The following COPA variants were observed in gnomAD, a reference collection of about 807,000 sequenced individuals.
COPA encodes coatomer subunit alpha.
In COPA, 10 loss-of-function variants were observed where a neutral mutation model predicts 158.7. The ratio of observed to expected loss-of-function variants is 0.06; its 90% CI spans 0.04 to 0.11. The LOEUF is 0.11. COPA is among the 10% of genes least tolerant of loss of function. The pLI, the probability that COPA is intolerant of heterozygous loss-of-function variation, is 1.00. For synonymous variants in COPA, 462 were observed against 542.8 expected, an observed-to-expected ratio of 0.85 and a Z score of 2.07; for missense variants, 1,065 against 1,536.7, an observed-to-expected ratio of 0.69 and a Z score of 5.13.
At chr1:160,297,823 A>G in intron 19 of COPA, 78 bp from the exon 20 acceptor site, 3 of 1,409,782 alleles carry the variant, frequency 2.1e-6, no homozygotes, top group South Asian at 2.6e-5. Context: ...AAGCATCTGC[A>G]TCTATATAGA....
Position 160,289,003 on chromosome 1 carries a change from C to A in COPA, c.*1154G>T, listed in dbSNP as rs899589122. 1.3e-5 allele frequency among the ~76,000 whole-genome samples: 2 copies of A among 152,062 alleles called. No individual in the cohort carries two copies. Among genetic ancestry groups the A allele is most frequent in the Non-Finnish European group, 2.9e-5 (2 of 68,026 alleles). On this transcript the variant is annotated 3_prime_UTR_variant, in exon 33 of 33. Coordinates refer to ENST00000241704, the MANE Select transcript of COPA (RefSeq NM_004371.4). The stretch of plus-strand genomic sequence containing the variant: ...TCTTTTTTTTTGAGATGGAGTCTCA[C>A]TCTGTCGCCCAGGCTGGAGTGCGGT...
intron 19 of COPA, among the ~76,000 whole-genome samples, chr1:160,298,255 T>C (rs1333978318): frequency 6.6e-6 from 1 of 152,024 alleles, no homozygotes; most frequent in African/African-American, 2.4e-5. Flanking sequence ...TGGAAATAAT[T>C]ACATCGCATT....
At chr1:160,342,277 C>G (rs1648106698) in intron 1 of COPA, among the ~76,000 whole-genome samples, 1 of 152,164 alleles carries the variant, frequency 6.6e-6, no homozygotes, top group Non-Finnish European at 1.5e-5. Flanking sequence ...AGACCAAGTT[C>G]CTAACCACTT....
In COPA at chr1:160,290,413, G is replaced by GA. The variant is rs1658186640; in HGVS notation, c.3615+78dup. ...AGGGAGCAGGGGACAAGCACAAGAA[G>GA]AAAAAAAGGACCACCATGTTTCTTT... On this transcript the variant is annotated intron_variant, in intron 32 of 32. Coordinates refer to ENST00000241704, the MANE Select transcript of COPA (RefSeq NM_004371.4). 10 of 1,514,630 alleles carry GA rather than the reference G, an allele frequency of 6.6e-6. No homozygotes were observed. In the South Asian group the frequency reaches 7.6e-5, roughly 11 times the overall value. 93.8% of individuals were successfully genotyped at this position (1,514,630 alleles called of 1,614,324 possible). A position where few individuals can be genotyped will look rare whatever the true frequency, so the allele number is the denominator to read the frequency against.
At position 160,314,078 on chromosome 1, in the gene COPA, C is replaced by T. The variant is rs761879662; in HGVS notation, c.754G>A (p.Val252Ile). The T allele has an allele frequency of 1.2e-6, 2 of 1,612,458 alleles. No homozygotes were observed. Among genetic ancestry groups the T allele is most frequent in the African/African-American group, 1.3e-5 (1 of 74,888 alleles). ...VDTCRGHYNN[V>I]SCAVFHPRQE... Reference sequence around the variant, plus strand: ...CGAGGGTGGAAGACGGCACAAGATACATTGTTGTAATGGCCCCGGCAGGTA... The same window carrying T: ...CGAGGGTGGAAGACGGCACAAGATATATTGTTGTAATGGCCCCGGCAGGTA... The change falls in exon 9 of 33, where the codon GTA becomes ATA. Residue 252 changes from valine (V) to isoleucine (I), a missense_variant. Val to Ile is a conservative substitution (Grantham distance 29). Around this residue, in one of 2 missense-constraint regions of COPA, gnomAD observed 980 missense variants for 1,357.8 expected, o/e 0.72. Coordinates refer to ENST00000241704, the MANE Select transcript of COPA (RefSeq NM_004371.4).
intron 3 of COPA, among the ~76,000 whole-genome samples, chr1:160,337,874 T>C (rs113527977): frequency 0.026 from 3,996 of 152,308 alleles, 185 homozygotes; most frequent in African/African-American, 0.092. Context: ...TTTATTCATA[T>C]AAAGTATAAA....
rs368519186 is a variant in COPA, at chr1:160,309,156, A to G, written c.1164T>C (p.Asn388=). The G allele has an allele frequency of 3.7e-6, 6 of 1,613,238 alleles. No homozygotes were observed. In the African/African-American group the frequency reaches 8.0e-5, roughly 22 times the overall value. Residue 388 remains asparagine, a synonymous_variant, in exon 13 of 33, where the codon AAT becomes AAC. Coordinates refer to ENST00000241704, the MANE Select transcript of COPA (RefSeq NM_004371.4). ...LLCTRASNLE[N]STYDLYTIPK... is the part of the protein sequence containing the mutation. ...GGATGGTGTACAGGTCATAGGTACT[A>G]TTCTCTAGATTGCTAGCTCTCTGTA...
chr1:160,320,675 C>T (rs1659303635), intron 8 of COPA, among the ~76,000 whole-genome samples: 4 of 144,136 alleles, frequency 2.8e-5, no homozygotes, highest in African/African-American at 1.0e-4. Flanking sequence ...AAAACCAGTG[C>T]CTAGATCAAA....
At chr1:160,318,551 A>T (rs868663668) in intron 8 of COPA, among the ~76,000 whole-genome samples, 4 of 150,580 alleles carry the variant, frequency 2.7e-5, no homozygotes, top group Admixed American at 1.3e-4. Context: ...ATAAAACCCA[A>T]GATGTAAAAT....
chr1:160,313,049 A>G, intron 10 of COPA, 36 bp downstream of exon 10: 3 of 1,578,942 alleles, frequency 1.9e-6, no homozygotes, highest in Non-Finnish European at 2.6e-6. Context: ...TAAACTTTGA[A>G]TTAAGCAAAG....
At position 160,313,078 on chromosome 1, in the gene COPA, C is replaced by T. The variant is rs1659019786; in HGVS notation, c.925+7G>A. ...AGCAAAGAAAAAAGAGAGAAAATGGCCCTTACCTGCTGCAAAGAGGTTAAG... is the reference window on the plus strand; with the variant it reads ...AGCAAAGAAAAAAGAGAGAAAATGGTCCTTACCTGCTGCAAAGAGGTTAAG... On this transcript the variant is annotated splice_region_variant and intron_variant, in intron 10 of 32. Coordinates refer to ENST00000241704, the MANE Select transcript of COPA (RefSeq NM_004371.4). 2.5e-6 allele frequency: 4 copies of T among 1,612,220 alleles called. No homozygotes were observed. Among genetic ancestry groups the T allele is most frequent in the Admixed American group, 1.7e-5 (1 of 59,826 alleles).
rs565882576 is a variant in COPA at position 160,298,798 on chromosome 1, C to T, written c.1977+47G>A. ...ATGCCCTCCCAATGGCACTCTAACT[C>T]TCTCACCTCTAAGACAATATGGGGC... On this transcript the variant is annotated intron_variant, in intron 19 of 32. Transcript: ENST00000241704. The T allele has an allele frequency of 3.2e-5, 52 of 1,606,538 alleles. 1 individual carries two copies. In the East Asian group the frequency reaches 6.3e-4, roughly 19 times the overall value.
chr1:160,303,482 A>AT (rs1658683154), intron 17 of COPA, among the ~76,000 whole-genome samples: 1 of 152,196 alleles, frequency 6.6e-6, no homozygotes, highest in Admixed American at 6.5e-5. Context: ...GAGTGTCCTT[A>AT]TGGAAAAAGT....
At chr1:160,317,631 A>C in intron 8 of COPA, 1 of 1,545,062 alleles carries the variant, frequency 6.5e-7, no homozygotes, top group African/African-American at 1.4e-5. Context: ...ATCATACTCC[A>C]AAAGAACTGG....
Position 160,307,215 on chromosome 1 carries a change from G to A in COPA, c.1250C>T (p.Thr417Ile). 6.2e-7 allele frequency: 1 copy of A among 1,614,224 alleles called. No individual in the cohort carries two copies. The highest frequency in any genetic ancestry group is 8.5e-7 in the Non-Finnish European group (1 of 1,180,018). ...APEGKRSSGLTAVWVARNRFA... is the reference protein window; with the variant it reads ...APEGKRSSGLIAVWVARNRFA... ...CCGATTTCGAGCGACCCAAACGGCT[G>A]TCAGGCCTGAGGATCGTTTCCCTTC... Residue 417 changes from threonine to isoleucine, a missense_variant, in exon 14 of 33, where the codon ACA becomes ATA. Physicochemically the swap from Thr to Ile is moderately conservative, Grantham distance 89. Around this residue, in one of 2 missense-constraint regions of COPA, gnomAD observed 980 missense variants for 1,357.8 expected, o/e 0.72. Transcript: ENST00000241704.
intron 3 of COPA, among the ~76,000 whole-genome samples, chr1:160,338,034 G>A (rs1647855473): frequency 6.6e-6 from 1 of 151,996 alleles, no homozygotes; most frequent in South Asian, 2.1e-4. Context: ...CCTACTTTCT[G>A]TCTCTATAGA....
At position 160,297,336 on chromosome 1, in the gene COPA, T is replaced by C. The variant is rs116596416; in HGVS notation, c.2263+7A>G. 7.0e-4 allele frequency: 1,124 copies of C among 1,613,692 alleles called. 14 individuals are homozygous for C. In the African/African-American group the frequency reaches 0.013, roughly 19 times the overall value. On this transcript the variant is annotated splice_region_variant and intron_variant, in intron 21 of 32. Coordinates refer to ENST00000241704, the MANE Select transcript of COPA (RefSeq NM_004371.4). Reference sequence around the variant, plus strand: ...CCTGAAAAAGCTGGCAAGTCTCGGATACTTACTCTGTCCACAGTTCTTCAG... The same window carrying C: ...CCTGAAAAAGCTGGCAAGTCTCGGACACTTACTCTGTCCACAGTTCTTCAG...
intron 13 of COPA, among the ~76,000 whole-genome samples, chr1:160,307,847 A>C (rs989132874): frequency 6.6e-6 from 1 of 152,226 alleles, no homozygotes; most frequent in Non-Finnish European, 1.5e-5. Context: ...TGGACACTCC[A>C]TTCTCTGGGA....
chr1:160,309,078 G>A (rs752838629), intron 13 of COPA, 23 bp downstream of exon 13: 3 of 1,590,124 alleles, frequency 1.9e-6, no homozygotes, highest in Admixed American at 1.7e-5. Flanking sequence ...AAGCAGAGTG[G>A]GGTAGACAAA....
Sources: gnomAD v4.1 joint callset for allele counts (sites outside exome capture counted in the v4.1 genomes callset) on GRCh38, gnomAD v4.1.1 for gene constraint, gnomAD v4.1.1 regional missense constraint, MANE v1.5 for transcripts, NCBI Gene and HGNC (gene_info 2026-07-23, HGNC 2026-07-21) for gene names.